Variants in CHCHD6 observed in about 807,000 individuals in gnomAD.
CHCHD6 encodes coiled-coil-helix-coiled-coil-helix domain containing 6, also known as MICOS complex subunit MIC25.
A neutral mutation model predicts 32.3 loss-of-function variants in CHCHD6; 28 were observed. The observed-to-expected ratio is 0.87, with a 90% CI of 0.64 to 1.19. CHCHD6 has a LOEUF of 1.19. Among genes scored for constraint, CHCHD6 ranks in the 50% most tolerant of loss-of-function variants. The pLI, the probability that CHCHD6 is intolerant of heterozygous loss-of-function variation, is 0.00. For missense variants in CHCHD6, 333 were observed against 307.0 expected (o/e 1.08, Z -0.63); for synonymous variants, 122 against 117.5 (o/e 1.04, Z -0.25).
chr3:126,717,331 T>C (rs1261804269), intron 1 of CHCHD6, among the ~76,000 whole-genome samples: 1 of 152,316 alleles, frequency 6.6e-6, no homozygotes, highest in African/African-American at 2.4e-5. Context: ...CATGACCTTA[T>C]ATTGGGTCAG....
At chr3:126,791,647 T>C (rs1302120439) in intron 4 of CHCHD6, among the ~76,000 whole-genome samples, 2 of 152,236 alleles carry the variant, frequency 1.3e-5, no homozygotes, top group Non-Finnish European at 2.9e-5. Flanking sequence ...TTTGCTCTTG[T>C]TGCCTGGGCT....
intron 6 of CHCHD6, among the ~76,000 whole-genome samples, chr3:126,940,805 TTAAG>T (rs953138084): frequency 2.0e-5 from 3 of 152,336 alleles, no homozygotes; most frequent in African/African-American, 7.2e-5. Context: ...TCTTCAAGTA[TTAAG>T]TGAGGGTAAA....
At chr3:126,957,298 G>C in intron 6 of CHCHD6, 118 bp from the exon 7 acceptor site, 1 of 1,127,676 alleles carries the variant, frequency 8.9e-7, no homozygotes, top group East Asian at 2.6e-5. Context: ...AAAGGATGCT[G>C]CTGGGTGTCA....
At chr3:126,834,114 T>C (rs1940761039) in intron 4 of CHCHD6, among the ~76,000 whole-genome samples, 2 of 148,868 alleles carry the variant, frequency 1.3e-5, no homozygotes, top group South Asian at 2.1e-4. Context: ...ATTCATCATA[T>C]GTGTGAAATA....
At chr3:126,918,049 C>T (rs2078196079) in intron 6 of CHCHD6, among the ~76,000 whole-genome samples, 1 of 152,168 alleles carries the variant, frequency 6.6e-6, no homozygotes, top group Non-Finnish European at 1.5e-5. Context: ...CAGCACCTAG[C>T]TTGGTATAGA....
chr3:126,825,943 A>G (rs1384490550), intron 4 of CHCHD6, among the ~76,000 whole-genome samples: 1 of 152,138 alleles, frequency 6.6e-6, no homozygotes, highest in Non-Finnish European at 1.5e-5. Context: ...TCCAGTTGTC[A>G]TCATTTTCTT....
rs987446611 is a variant in CHCHD6 at position 126,955,376 on chromosome 3, T to TA, written c.567-2036dup. Among the ~76,000 whole-genome samples the TA allele has an allele frequency of 5.9e-5, 9 of 152,294 alleles. No individual in the cohort carries two copies. The South Asian group carries it at 8.3e-4, about 14-fold the overall frequency. ...TGTAAGAACGAGAAGTCAATGCAGA[T>TA]AAAACCCCCCCCACCCAGTCCTCTT... is the stretch of plus-strand genomic sequence containing the variant. On this transcript the variant is annotated intron_variant, in intron 6 of 7. Transcript: ENST00000290913.
chr3:126,714,213 C>A (rs1934902007), intron 1 of CHCHD6, among the ~76,000 whole-genome samples: 1 of 151,832 alleles, frequency 6.6e-6, no homozygotes, highest in African/African-American at 2.4e-5. Context: ...TGGCTACACT[C>A]TTCAGGTGGC....
In CHCHD6 at chr3:126,774,997, G is replaced by GA. The variant is rs1208940346; in HGVS notation, c.411+41776dup. On this transcript the variant is annotated intron_variant, in intron 4 of 7. Coordinates refer to ENST00000290913, the MANE Select transcript of CHCHD6 (RefSeq NM_032343.3). Reference sequence around the variant, plus strand: ...CCACTGTCCTATCATTCTGGGTCCTGAGGCTCCTAGCCACACTGCCGTCTT... The same window carrying GA: ...CCACTGTCCTATCATTCTGGGTCCTGAAGGCTCCTAGCCACACTGCCGTCTT... 9.2e-5 allele frequency among the ~76,000 whole-genome samples: 14 copies of GA among 152,274 alleles called. No individual in the cohort carries two copies. In the South Asian group the frequency reaches 2.7e-3, roughly 29 times the overall value.
chr3:126,806,723 A>G (rs1939402130), intron 4 of CHCHD6, among the ~76,000 whole-genome samples: 1 of 152,154 alleles, frequency 6.6e-6, no homozygotes, highest in Non-Finnish European at 1.5e-5. Context: ...ACTATAAATC[A>G]TGCTGCTATA....
At chr3:126,787,621 CTGTT>C (rs1377373148) in intron 4 of CHCHD6, among the ~76,000 whole-genome samples, 23 of 152,102 alleles carry the variant, frequency 1.5e-4, no homozygotes, top group Admixed American at 1.2e-3. Context: ...ATTTGGCTCT[CTGTT>C]TGTCTGTTAT....
chr3:126,915,936 A>G (rs2078162939), intron 6 of CHCHD6, among the ~76,000 whole-genome samples: 1 of 150,978 alleles, frequency 6.6e-6, no homozygotes, highest in Non-Finnish European at 1.5e-5. Context: ...GACCACAGGC[A>G]TGTGCCACGC....
intron 4 of CHCHD6, among the ~76,000 whole-genome samples, chr3:126,834,556 C>T (rs143947618): frequency 6.6e-6 from 1 of 152,286 alleles, no homozygotes; most frequent in East Asian, 1.9e-4. Context: ...CTACCAGTTG[C>T]ATCATTGTAC....
chr3:126,720,728 G>A (rs990285968), intron 1 of CHCHD6, among the ~76,000 whole-genome samples: 8 of 152,072 alleles, frequency 5.3e-5, no homozygotes, highest in East Asian at 1.9e-4. Context: ...TGCTGGCTCC[G>A]TGTCCCCACC....
chr3:126,888,278 C>T (rs941651164), intron 5 of CHCHD6, among the ~76,000 whole-genome samples: 8 of 152,204 alleles, frequency 5.3e-5, no homozygotes, highest in African/African-American at 1.2e-4. Flanking sequence ...GTTGGTAGAG[C>T]GAAAAGGACT....
intron 4 of CHCHD6, among the ~76,000 whole-genome samples, chr3:126,735,337 C>T (rs1474955292): frequency 6.6e-6 from 1 of 152,218 alleles, no homozygotes; most frequent in African/African-American, 2.4e-5. Context: ...ATTCCCATCC[C>T]CCTCAGGTCT....
chr3:126,894,428 T>G (rs2077808655), intron 5 of CHCHD6, among the ~76,000 whole-genome samples: 1 of 152,148 alleles, frequency 6.6e-6, no homozygotes, highest in African/African-American at 2.4e-5. Flanking sequence ...GGACAGACAT[T>G]AAACATAGGG....
At chr3:126,914,867 A>G (rs1576596518) in intron 6 of CHCHD6, 117 bp downstream of exon 6, 2 of 691,558 alleles carry the variant, frequency 2.9e-6, no homozygotes, top group Non-Finnish European at 5.3e-6. Context: ...AATACACACA[A>G]CCATCTGTTC....
intron 4 of CHCHD6, among the ~76,000 whole-genome samples, chr3:126,832,423 A>C (rs1017129162): frequency 2.6e-5 from 4 of 151,822 alleles, no homozygotes; most frequent in Non-Finnish European, 4.4e-5. Context: ...CGCCGTCTCT[A>C]CCATCTCCAT....
Sources: gnomAD v4.1 joint callset for allele counts (sites outside exome capture counted in the v4.1 genomes callset) on GRCh38, gnomAD v4.1.1 for gene constraint, MANE v1.5 for transcripts, NCBI Gene and HGNC (gene_info 2026-07-23, HGNC 2026-07-21) for gene names.